Variants in DCAF6 observed in about 807,000 individuals in gnomAD.
DCAF6 encodes the protein DDB1- and CUL4-associated factor 6.
DCAF6 carries 54 observed loss-of-function variants against 125.1 expected under a neutral mutation model. The ratio of observed to expected loss-of-function variants is 0.43; its 90% CI spans 0.35 to 0.54. DCAF6 has a LOEUF of 0.54. DCAF6 is among the 20% of genes least tolerant of loss of function. The probability of loss-of-function intolerance (pLI) is 0.01; values close to 1 mark genes in which losing one functional copy is unlikely to be tolerated. For synonymous variants in DCAF6, 371 were observed against 390.4 expected, an observed-to-expected ratio of 0.95 and a Z score of 0.58; for missense variants, 934 against 1,161.7, an observed-to-expected ratio of 0.80 and a Z score of 2.85.
At chr1:167,951,533 C>A (rs1347725810) in intron 1 of DCAF6, among the ~76,000 whole-genome samples, 1 of 152,138 alleles carries the variant, frequency 6.6e-6, no homozygotes, top group Non-Finnish European at 1.5e-5. Context: ...TGAGATCATG[C>A]CACTGCACTC....
chr1:167,945,563 C>G (rs1488509639), intron 1 of DCAF6, among the ~76,000 whole-genome samples: 1 of 152,144 alleles, frequency 6.6e-6, no homozygotes, highest in Admixed American at 6.5e-5. Flanking sequence ...ACAATCTCGG[C>G]TTACTACAAC....
intron 2 of DCAF6, among the ~76,000 whole-genome samples, chr1:167,954,830 A>G (rs577310077): frequency 1.3e-5 from 2 of 152,298 alleles, no homozygotes; most frequent in South Asian, 2.1e-4. Context: ...TATGTTTAAC[A>G]CATGTAAACA....
At chr1:167,878,438 A>G in the DCAF6 span, 4 of 1,613,188 alleles carry the variant, frequency 2.5e-6, no homozygotes, top group Non-Finnish European at 3.4e-6. Flanking sequence ...TTAATGCTCC[A>G]CACTCACACT....
intron 13 of DCAF6, among the ~76,000 whole-genome samples, chr1:168,040,707 A>G (rs1432331402): frequency 3.4e-5 from 5 of 148,482 alleles, no homozygotes; most frequent in African/African-American, 9.8e-5. Flanking sequence ...AATCTTATCT[A>G]AACTTTTTGG....
chr1:167,961,218 T>C (rs1675540796), intron 2 of DCAF6, among the ~76,000 whole-genome samples: 1 of 152,182 alleles, frequency 6.6e-6, no homozygotes, highest in Non-Finnish European at 1.5e-5. Context: ...CAATCACTTA[T>C]TAGTTCCAGG....
chr1:167,874,916 G>C, the DCAF6 span, among the ~76,000 whole-genome samples: 3 of 152,060 alleles, frequency 2.0e-5, no homozygotes, highest in Admixed American at 6.5e-5. Context: ...TTTTTAAACA[G>C]GCATAAGTAA....
At chr1:168,018,360 A>C (rs1321421946) in intron 11 of DCAF6, among the ~76,000 whole-genome samples, 3 of 152,220 alleles carry the variant, frequency 2.0e-5, no homozygotes, top group African/African-American at 7.2e-5. Flanking sequence ...AGAAGATGTT[A>C]AACAGTGGTT....
the DCAF6 span, among the ~76,000 whole-genome samples, chr1:167,877,499 C>T: frequency 6.6e-6 from 1 of 151,906 alleles, no homozygotes; most frequent in Non-Finnish European, 1.5e-5. Flanking sequence ...TGAATAACAA[C>T]TTTCTGCTCT....
At chr1:167,964,252 C>A (rs749537504) in intron 2 of DCAF6, among the ~76,000 whole-genome samples, 6 of 152,280 alleles carry the variant, frequency 3.9e-5, no homozygotes, top group Non-Finnish European at 2.9e-5. Flanking sequence ...CAAATTCCCT[C>A]AATGTTAATT....
the DCAF6 span, chr1:167,875,336 A>T: frequency 1.3e-6 from 1 of 754,886 alleles, no homozygotes; most frequent in Middle Eastern, 2.4e-4. Flanking sequence ...CGCCAAAAGA[A>T]GGAGAAACGA....
chr1:167,953,272 A>G (rs148558689), intron 2 of DCAF6, among the ~76,000 whole-genome samples: 53 of 152,172 alleles, frequency 3.5e-4, no homozygotes, highest in African/African-American at 1.2e-3. Context: ...TTACCTTCTC[A>G]TTTTATTTAG....
chr1:167,995,196 G>A (rs953080121), intron 7 of DCAF6, among the ~76,000 whole-genome samples: 3 of 152,192 alleles, frequency 2.0e-5, no homozygotes, highest in Admixed American at 1.3e-4. Flanking sequence ...TAATGAAAGA[G>A]TTGGAAGTCC....
At chr1:168,000,388 T>C (rs891642003) in intron 7 of DCAF6, among the ~76,000 whole-genome samples, 1 of 152,102 alleles carries the variant, frequency 6.6e-6, no homozygotes, top group African/African-American at 2.4e-5. Context: ...ATAGCACCAA[T>C]AGTCTTATTC....
chr1:167,893,200 A>C, the DCAF6 span, among the ~76,000 whole-genome samples: 1 of 152,208 alleles, frequency 6.6e-6, no homozygotes, highest in Non-Finnish European at 1.5e-5. Context: ...TTGGAGAAAT[A>C]GTGTACCAAT....
At chr1:168,018,228 A>G (rs1367493830) in intron 11 of DCAF6, among the ~76,000 whole-genome samples, 1 of 152,182 alleles carries the variant, frequency 6.6e-6, no homozygotes, top group Non-Finnish European at 1.5e-5. Context: ...CCCAGATGGA[A>G]TATTATCTAT....
chr1:167,975,673 G>A (rs1377297764), intron 4 of DCAF6, among the ~76,000 whole-genome samples: 4 of 152,168 alleles, frequency 2.6e-5, no homozygotes, highest in Admixed American at 2.6e-4. Context: ...AGCCTCTTGA[G>A]TAGCTGGGAC....
intron 12 of DCAF6, among the ~76,000 whole-genome samples, chr1:168,035,836 G>A (rs1482320236): frequency 6.6e-6 from 1 of 152,130 alleles, no homozygotes; most frequent in Non-Finnish European, 1.5e-5. Context: ...GCCGAAGTGG[G>A]TGAATCACTT....
chr1:168,067,748 T>G (rs2101990968), intron 20 of DCAF6, among the ~76,000 whole-genome samples: 1 of 152,344 alleles, frequency 6.6e-6, no homozygotes, highest in South Asian at 2.1e-4. Flanking sequence ...CCTCTCATAC[T>G]CTTTCTTTCA....
At chr1:167,888,610 C>G in the DCAF6 span, among the ~76,000 whole-genome samples, 125 of 152,224 alleles carry the variant, frequency 8.2e-4, 1 homozygote, top group South Asian at 0.023. Context: ...GGCGCGGTGG[C>G]TCACGCCTGT....
Sources: allele counts gnomAD v4.1 joint callset (sites outside exome capture counted in the v4.1 genomes callset), GRCh38; gene constraint gnomAD v4.1.1; transcripts MANE v1.5; gene names NCBI Gene and HGNC (gene_info 2026-07-23, HGNC 2026-07-21).